FTL: variants seen among roughly 807,000 people sequenced by gnomAD.
FTL encodes epididymis secretory sperm binding protein.
FTL carries 17 observed loss-of-function variants against 16.6 expected under a neutral mutation model. The ratio of observed to expected loss-of-function variants is 1.02; its 90% CI spans 0.70 to 1.53. The LOEUF (loss-of-function observed/expected upper bound fraction) is 1.53, where lower values mean the gene tolerates loss of function less well. Ranked by LOEUF, FTL falls within the 40% of genes most tolerant of loss-of-function variation. The pLI is 0.00. For missense variants in FTL, 186 were observed against 226.1 expected (o/e 0.82, Z 1.14); for synonymous variants, 73 against 89.9 (o/e 0.81, Z 1.06).
At chr19:48,965,981 T>C (rs1377693749) in intron 2 of FTL, 65 bp downstream of exon 2, 1 of 1,584,648 alleles carries the variant, frequency 6.3e-7, no homozygotes, top group Middle Eastern at 1.7e-4. Context: ...AGCCTTGATT[T>C]GAGGGCGTAG....
rs2038463168 is a variant in FTL at position 48,966,811 on chromosome 19, G to A, written c.*76G>A. On this transcript the variant is annotated 3_prime_UTR_variant, in exon 4 of 4. Transcript: ENST00000331825. ...GCTTCTGCCTAAGCCTCTCCCTCCAGCCAATAGGCAGCTTTCTTAACTATC... is the reference window on the plus strand; with the variant it reads ...GCTTCTGCCTAAGCCTCTCCCTCCAACCAATAGGCAGCTTTCTTAACTATC... 1 of 1,475,508 alleles carries A rather than the reference G, an allele frequency of 6.8e-7. No homozygotes were observed. Among genetic ancestry groups the A allele is most frequent in the Non-Finnish European group, 9.4e-7 (1 of 1,059,386 alleles). The allele number at this position is 1,475,508 out of a possible 1,614,324, so 91.4% of individuals were successfully genotyped here.
chr19:48,965,613 A>C lies in FTL; in HGVS notation c.102+4A>C, dbSNP rs754947814. On this transcript the variant is annotated splice_donor_region_variant and intron_variant, in intron 1 of 3. Coordinates refer to ENST00000331825, the MANE Select transcript of FTL (RefSeq NM_000146.4). ...CTCCTACACCTACCTCTCTCTGGTG[A>C]GTCCCCAGGACGCCCCTGGCCCTAA... 7 of 1,611,116 alleles carry C rather than the reference A, an allele frequency of 4.3e-6. No homozygotes were observed.
Position 48,966,155 on chromosome 19 carries a change from G to A in FTL, c.250-126G>A, listed in dbSNP as rs77396842. The A allele has an allele frequency of 2.7e-3, 3,866 of 1,426,744 alleles. 100 individuals carry two copies. The African/African-American group carries it at 0.048, about 18-fold the overall frequency. 88.4% of individuals were successfully genotyped at this position (1,426,744 alleles called of 1,614,324 possible). On this transcript the variant is annotated intron_variant, in intron 2 of 3. Coordinates refer to ENST00000331825, the MANE Select transcript of FTL (RefSeq NM_000146.4). ...AGAGCTAGGACAGGGTGCGGAGAGTGATAAATACAAGCTGTCACATGTCTT... is the reference window on the plus strand; with the variant it reads ...AGAGCTAGGACAGGGTGCGGAGAGTAATAAATACAAGCTGTCACATGTCTT...
chr19:48,965,763 C>T lies in FTL; in HGVS notation c.103-7C>T. 6.2e-7 allele frequency: 1 copy of T among 1,614,116 alleles called. No homozygotes were observed. The highest frequency in any genetic ancestry group is 8.5e-7 in the Non-Finnish European group (1 of 1,180,008). On this transcript the variant is annotated splice_region_variant and splice_polypyrimidine_tract_variant and intron_variant, in intron 1 of 3. Coordinates refer to ENST00000331825, the MANE Select transcript of FTL (RefSeq NM_000146.4). ...CTAACCATTGTTGCCTCCATCTCTT[C>T]CCGTAGGGCTTCTATTTCGACCGCG... is the stretch of plus-strand genomic sequence containing the variant.
rs768457741 is a variant in FTL at position 48,965,462 on chromosome 19, C to A, written c.-46C>A. The A allele has an allele frequency of 3.7e-5, 49 of 1,325,258 alleles. No individual in the cohort carries two copies. Among genetic ancestry groups the A allele is most frequent in the Non-Finnish European group, 4.8e-5 (44 of 923,964 alleles). The allele number at this position is 1,325,258 out of a possible 1,614,324, so 82.1% of individuals were successfully genotyped here. A position where few individuals can be genotyped will look rare whatever the true frequency, so the allele number is the denominator to read the frequency against. On this transcript the variant is annotated 5_prime_UTR_variant, in exon 1 of 4. Transcript: ENST00000331825. ...TCTCGGCCATCTCCTGCTTCTGGGACCTGCCAGCACCGTTTTTGTGGTTAG... is the reference window on the plus strand; with the variant it reads ...TCTCGGCCATCTCCTGCTTCTGGGAACTGCCAGCACCGTTTTTGTGGTTAG...
At chr19:48,966,433 C>T (rs765274493) in intron 3 of FTL, 27 bp downstream of exon 3, 2 of 1,614,028 alleles carry the variant, frequency 1.2e-6, no homozygotes, top group Non-Finnish European at 1.7e-6. Flanking sequence ...TCCATGGCTA[C>T]CCAACCATAC....
At position 48,966,242 on chromosome 19, in the gene FTL, G is replaced by T. The variant is rs753926156; in HGVS notation, c.250-39G>T. On this transcript the variant is annotated intron_variant, in intron 2 of 3. Transcript: ENST00000331825. ...AAATGTAGGTTTAGTTCTATGTGCC[G>T]AGTGTGTGTATTCTGAGCCATTTCT... The T allele has an allele frequency of 1.2e-5, 19 of 1,613,310 alleles. No individual in the cohort carries two copies. The South Asian group carries it at 1.8e-4, about 15-fold the overall frequency.
Position 48,965,520 on chromosome 19 carries a change from A to AT in FTL, c.15dup (p.Arg6SerfsTer37), listed in dbSNP as rs1219463530. On this transcript the variant is annotated frameshift_variant, in exon 1 of 4. Transcript: ENST00000331825. Reference sequence around the variant, plus strand: ...TTGCCAACCAACCATGAGCTCCCAGATTCGTCAGAATTATTCCACCGACGT... The same window carrying AT: ...TTGCCAACCAACCATGAGCTCCCAGATTTCGTCAGAATTATTCCACCGACGT... 6.2e-7 allele frequency: 1 copy of AT among 1,613,694 alleles called. No individual in the cohort carries two copies. The highest frequency in any genetic ancestry group is 8.5e-7 in the Non-Finnish European group (1 of 1,179,828).
chr19:48,966,234 T>C (rs1232861779), intron 2 of FTL, 47 bp from the exon 3 acceptor site: 2 of 1,613,104 alleles, frequency 1.2e-6, no homozygotes, highest in Non-Finnish European at 1.7e-6. Context: ...GGTTTAGTTC[T>C]ATGTGCCGAG....
In FTL at chr19:48,965,343, T is replaced by G; in HGVS notation, c.-165T>G. ...CGGTCCCGCGGGTCTGTCTCTTGCTTCAACAGTGTTTGGACGGAACAGATC... is the reference window on the plus strand; with the variant it reads ...CGGTCCCGCGGGTCTGTCTCTTGCTGCAACAGTGTTTGGACGGAACAGATC... On this transcript the variant is annotated 5_prime_UTR_variant, in exon 1 of 4. Transcript: ENST00000331825. 1 of 676,860 alleles carries G rather than the reference T, an allele frequency of 1.5e-6. No individual in the cohort carries two copies. The highest frequency in any genetic ancestry group is 2.7e-6 in the Non-Finnish European group (1 of 369,834). The allele number at this position is 676,860 out of a possible 1,614,324, so 41.9% of individuals were successfully genotyped here. A position where few individuals can be genotyped will look rare whatever the true frequency, so the allele number is the denominator to read the frequency against.
chr19:48,966,082 C>A, intron 2 of FTL, 166 bp downstream of exon 2: 1 of 1,186,802 alleles, frequency 8.4e-7, no homozygotes, highest in Non-Finnish European at 1.2e-6. Context: ...GTGCCCACAA[C>A]ACGCGGCAGT....
rs747603164 is a variant in FTL, at chr19:48,966,392, C to T, written c.361C>T (p.Arg121Cys). The T allele has an allele frequency of 1.3e-5, 21 of 1,613,988 alleles. No homozygotes were observed. The highest frequency in any genetic ancestry group is 3.3e-5 in the Admixed American group (2 of 60,004). ...LLDLHALGSA[R>C]TDPHLCDFLE... ...GGATCTTCATGCCCTGGGTTCTGCC[C>T]GCACGGACCCCCATGTACGTACCCG... Residue 121 changes from arginine (R) to cysteine (C), a missense_variant, in exon 3 of 4, where the codon CGC becomes TGC. Transcript: ENST00000331825.
In FTL at chr19:48,966,585, CTG is replaced by C. The variant is rs2038458875; in HGVS notation, c.381_382del (p.Cys127Ter). The C allele has an allele frequency of 6.2e-7, 1 of 1,614,148 alleles. No homozygotes were observed. The highest frequency in any genetic ancestry group is 1.1e-5 in the South Asian group (1 of 91,082). ...LGSARTDPHLCDFLETHFLDE... is the reference protein window; with the variant it reads ...LGSARTDPHLXDFLETHFLDE... ...AATTTCTCCCTCTTCTCTCTCAGCT[CTG>C]TGACTTCCTGGAGACTCACTTCCTA... On this transcript the variant is annotated frameshift_variant, in exon 4 of 4. Coordinates refer to ENST00000331825, the MANE Select transcript of FTL (RefSeq NM_000146.4).
chr19:48,966,730 G>A lies in FTL; in HGVS notation c.523G>A (p.Asp175Asn), dbSNP rs1422409524. The change falls in exon 4 of 4, where the codon GAC becomes AAC. Residue 175 changes from aspartate (D) to asparagine (N), a missense_variant. By Grantham distance (23) the Asp-to-Asn change is conservative. Transcript: ENST00000331825. ...YLFERLTLKH[D>N] is the part of the protein sequence containing the mutation. ...CTTCGAAAGGCTCACTCTCAAGCACGACTAAGAGCCTTCTGAGCCCAGCGA... is the reference window on the plus strand; with the variant it reads ...CTTCGAAAGGCTCACTCTCAAGCACAACTAAGAGCCTTCTGAGCCCAGCGA... 6 of 1,612,904 alleles carry A rather than the reference G, an allele frequency of 3.7e-6. No individual in the cohort carries two copies. Among genetic ancestry groups the A allele is most frequent in the Admixed American group, 1.7e-5 (1 of 60,018 alleles).
chr19:48,965,854 T>A lies in FTL; in HGVS notation c.187T>A (p.Tyr63Asn). ...ATTGGCCGAGGAGAAGCGCGAGGGC[T>A]ACGAGCGTCTCCTGAAGATGCAAAA... ...RELAEEKREG[Y>N]ERLLKMQNQR... The change falls in exon 2 of 4, where the codon TAC becomes AAC. Residue 63 changes from tyrosine to asparagine, a missense_variant. Physicochemically the swap from Tyr to Asn is moderately radical, Grantham distance 143. Transcript: ENST00000331825. 1 of 1,614,202 alleles carries A rather than the reference T, an allele frequency of 6.2e-7. No homozygotes were observed.
chr19:48,966,202 C>T, intron 2 of FTL, 79 bp from the exon 3 acceptor site: 1 of 1,604,180 alleles, frequency 6.2e-7, no homozygotes, highest in Non-Finnish European at 8.5e-7. Flanking sequence ...CCTCTGACCC[C>T]CAACGACTCT....
In FTL at chr19:48,966,753, C is replaced by G. The variant is rs764635265; in HGVS notation, c.*18C>G. 2.5e-6 allele frequency: 4 copies of G among 1,611,986 alleles called. No homozygotes were observed. The Admixed American group carries it at 5.0e-5, about 20-fold the overall frequency. The stretch of plus-strand genomic sequence containing the variant: ...ACGACTAAGAGCCTTCTGAGCCCAG[C>G]GACTTCTGAAGGGCCCCTTGCAAAG... On this transcript the variant is annotated 3_prime_UTR_variant, in exon 4 of 4. Coordinates refer to ENST00000331825, the MANE Select transcript of FTL (RefSeq NM_000146.4).
Position 48,965,330 on chromosome 19 carries a change from T to C in FTL, c.-178T>C. On this transcript the variant is annotated 5_prime_UTR_variant, in exon 1 of 4. Transcript: ENST00000331825. ...CCTCGCAGTTCGGCGGTCCCGCGGGTCTGTCTCTTGCTTCAACAGTGTTTG... is the reference window on the plus strand; with the variant it reads ...CCTCGCAGTTCGGCGGTCCCGCGGGCCTGTCTCTTGCTTCAACAGTGTTTG... 1.5e-6 allele frequency: 1 copy of C among 647,868 alleles called. No homozygotes were observed. The highest frequency in any genetic ancestry group is 2.8e-6 in the Non-Finnish European group (1 of 352,858). 40.1% of individuals were successfully genotyped at this position (647,868 alleles called of 1,614,324 possible).
chr19:48,965,899 C>G lies in FTL; in HGVS notation c.232C>G (p.Leu78Val), dbSNP rs751857518. 6.8e-6 allele frequency: 11 copies of G among 1,614,132 alleles called. No homozygotes were observed. The highest frequency in any genetic ancestry group is 1.1e-5 in the South Asian group (1 of 91,068). Reference sequence around the variant, plus strand: ...GCAAAACCAGCGTGGCGGCCGCGCTCTCTTCCAGGACATCAAGGTAACTAG... The same window carrying G: ...GCAAAACCAGCGTGGCGGCCGCGCTGTCTTCCAGGACATCAAGGTAACTAG... ...KMQNQRGGRA[L>V]FQDIKKPAED... The change falls in exon 2 of 4, where the codon CTC becomes GTC. Residue 78 changes from leucine to valine, a missense_variant. Transcript: ENST00000331825.
Sources: allele counts gnomAD v4.1 joint callset, GRCh38; gene constraint gnomAD v4.1.1; transcripts MANE v1.5; gene names NCBI Gene and HGNC (gene_info 2026-07-23, HGNC 2026-07-21).